The following MYO1B variants were observed in gnomAD, a reference collection of about 807,000 sequenced individuals.
The protein encoded by MYO1B is myosin IB, also known as unconventional myosin-Ib.
MYO1B carries 72 observed loss-of-function variants against 159.7 expected under a neutral mutation model. The ratio of observed to expected loss-of-function variants is 0.45; its 90% CI spans 0.37 to 0.55. The LOEUF is 0.55. MYO1B is among the 20% of genes least tolerant of loss of function. MYO1B has a pLI of 0.00. For missense variants in MYO1B, 1,062 were observed against 1,364.8 expected (o/e 0.78, Z 3.50); for synonymous variants, 468 against 473.8 (o/e 0.99, Z 0.16).
At position 191,336,858 on chromosome 2, in the gene MYO1B, C is replaced by T. The variant is rs1290609441; in HGVS notation, c.347-4603C>T. Among the ~76,000 whole-genome samples, 4 of 152,076 alleles carry T rather than the reference C, an allele frequency of 2.6e-5. 1 individual carries two copies. Among genetic ancestry groups the T allele is most frequent in the Middle Eastern group, 3.2e-3 (1 of 314 alleles). ...TACAAAAGCTCAATTCCTAGAAAAA[C>T]TTTGGTGTCTTAACTAGAGAGATAG... On this transcript the variant is annotated intron_variant, in intron 4 of 30. Transcript: ENST00000392318.
At chr2:191,268,950 A>G (rs940640148) in intron 1 of MYO1B, among the ~76,000 whole-genome samples, 1 of 152,180 alleles carries the variant, frequency 6.6e-6, no homozygotes, top group African/African-American at 2.4e-5. Context: ...ACTAAGGAGA[A>G]AGGCTGTGGA....
At chr2:191,285,845 G>T (rs1688332298) in intron 2 of MYO1B, among the ~76,000 whole-genome samples, 1 of 152,096 alleles carries the variant, frequency 6.6e-6, no homozygotes, top group South Asian at 2.1e-4. Flanking sequence ...GAGCCGTCCT[G>T]GACCCATAGT....
chr2:191,272,398 A>G (rs926420643), intron 1 of MYO1B, among the ~76,000 whole-genome samples: 44 of 152,214 alleles, frequency 2.9e-4, no homozygotes, highest in African/African-American at 1.0e-3. Context: ...TGGCCTTGGT[A>G]CTTTGCAGAT....
At chr2:191,302,621 T>G (rs1385968160) in intron 3 of MYO1B, among the ~76,000 whole-genome samples, 1 of 152,222 alleles carries the variant, frequency 6.6e-6, no homozygotes, top group Non-Finnish European at 1.5e-5. Context: ...AAGAGTGTAT[T>G]GTGGTACCTG....
chr2:191,347,691 G>A (rs1454496247), intron 6 of MYO1B, among the ~76,000 whole-genome samples: 2 of 152,100 alleles, frequency 1.3e-5, no homozygotes, highest in Non-Finnish European at 2.9e-5. Context: ...ACCTGATTAT[G>A]GGCTAAATCA....
chr2:191,253,297 A>G (rs1044408636), intron 1 of MYO1B, among the ~76,000 whole-genome samples: 2 of 152,202 alleles, frequency 1.3e-5, no homozygotes, highest in African/African-American at 4.8e-5. Context: ...CATTTCGTAG[A>G]TAACACTGCT....
chr2:191,380,398 G>A (rs1694968477), intron 13 of MYO1B, among the ~76,000 whole-genome samples: 1 of 152,180 alleles, frequency 6.6e-6, no homozygotes, highest in African/African-American at 2.4e-5. Flanking sequence ...CATTAGACCA[G>A]GACTGGCCAC....
intron 3 of MYO1B, among the ~76,000 whole-genome samples, chr2:191,323,655 A>C (rs915900012): frequency 3.9e-5 from 6 of 152,160 alleles, no homozygotes; most frequent in African/African-American, 1.4e-4. Context: ...ATTCTAAAGG[A>C]AGAAGAAACT....
At chr2:191,326,716 A>G (rs1171980155) in intron 3 of MYO1B, among the ~76,000 whole-genome samples, 1 of 151,372 alleles carries the variant, frequency 6.6e-6, no homozygotes, top group African/African-American at 2.4e-5. Flanking sequence ...TTGAGTTAAA[A>G]TGAACTCACA....
chr2:191,414,580 C>G lies in MYO1B; in HGVS notation c.3070C>G (p.Gln1024Glu), dbSNP rs994264029. The G allele has an allele frequency of 2.5e-6, 4 of 1,613,434 alleles. No homozygotes were observed. The highest frequency in any genetic ancestry group is 3.4e-6 in the Non-Finnish European group (4 of 1,179,788). Residue 1024 changes from glutamine to glutamate, a missense_variant, in exon 29 of 31, where the codon CAA becomes GAA. Gln to Glu is a conservative substitution (Grantham distance 29). Coordinates refer to ENST00000392318, the MANE Select transcript of MYO1B (RefSeq NM_001130158.3). ...NLLLADQKSG[Q>E]IKSEVPLVDV... is the part of the protein sequence containing the mutation. ...CCTTCTTGCTGACCAAAAGTCTGGA[C>G]AAATCAAGTCAGAGGTTCCATTGGT... is the stretch of plus-strand genomic sequence containing the variant.
chr2:191,341,268 G>A (rs967735131), intron 4 of MYO1B, among the ~76,000 whole-genome samples, 193 bp from the exon 5 acceptor site: 1 of 151,972 alleles, frequency 6.6e-6, no homozygotes, highest in Non-Finnish European at 1.5e-5. Flanking sequence ...TTTTTATTAT[G>A]TCTGAATTAA....
chr2:191,289,962 G>A lies in MYO1B; in HGVS notation c.136-6149G>A, dbSNP rs142328717. Reference sequence around the variant, plus strand: ...CATTTATCTGCCTTTGCGAAGGAATGTTACACATTATTGAGACTTACATAA... The same window carrying A: ...CATTTATCTGCCTTTGCGAAGGAATATTACACATTATTGAGACTTACATAA... On this transcript the variant is annotated intron_variant, in intron 2 of 30. Transcript: ENST00000392318. 4.2e-3 allele frequency among the ~76,000 whole-genome samples: 637 copies of A among 152,258 alleles called. 9 individuals are homozygous for A. Among genetic ancestry groups the A allele is most frequent in the African/African-American group, 0.014 (581 of 41,546 alleles).
At chr2:191,370,331 G>A in intron 13 of MYO1B, 39 bp downstream of exon 13, 1 of 1,397,420 alleles carries the variant, frequency 7.2e-7, no homozygotes, top group Non-Finnish European at 1.0e-6. Flanking sequence ...CTTTAGTAGA[G>A]TGGAATGGTT....
In MYO1B at chr2:191,381,536, TAAA is replaced by T; in HGVS notation, c.1261_1263del (p.Lys421del). On this transcript the variant is annotated inframe_deletion, in exon 14 of 31. Coordinates refer to ENST00000392318, the MANE Select transcript of MYO1B (RefSeq NM_001130158.3). ...AACAAATCTTCATTGAACTTACTCT[TAAA>T]GAAGAGCAGGAGGAGTATATACGGG... is the stretch of plus-strand genomic sequence containing the variant. 6.2e-7 allele frequency: 1 copy of T among 1,613,046 alleles called. No homozygotes were observed. The highest frequency in any genetic ancestry group is 8.5e-7 in the Non-Finnish European group (1 of 1,179,428).
intron 3 of MYO1B, among the ~76,000 whole-genome samples, chr2:191,313,967 G>C (rs1443842562): frequency 6.6e-6 from 1 of 152,192 alleles, no homozygotes; most frequent in Non-Finnish European, 1.5e-5. Context: ...AGAATGGAAT[G>C]GGATTTAGTT....
In MYO1B at chr2:191,289,091, C is replaced by T. The variant is rs568113179; in HGVS notation, c.136-7020C>T. ...TTTTCTGGTGAGAGCAAACATTTTCCCTATAACTAGAAGATCTTTTCCTTT... is the reference window on the plus strand; with the variant it reads ...TTTTCTGGTGAGAGCAAACATTTTCTCTATAACTAGAAGATCTTTTCCTTT... On this transcript the variant is annotated intron_variant, in intron 2 of 30. Coordinates refer to ENST00000392318, the MANE Select transcript of MYO1B (RefSeq NM_001130158.3). Among the ~76,000 whole-genome samples, 3 of 152,206 alleles carry T rather than the reference C, an allele frequency of 2.0e-5. No homozygotes were observed. In the South Asian group the frequency reaches 6.2e-4, roughly 32 times the overall value.
intron 3 of MYO1B, among the ~76,000 whole-genome samples, chr2:191,305,154 T>C (rs1171887649): frequency 6.6e-6 from 1 of 152,228 alleles, no homozygotes; most frequent in Non-Finnish European, 1.5e-5. Flanking sequence ...GGAAGCCTTG[T>C]CTAGGGAGGT....
At position 191,409,062 on chromosome 2, in the gene MYO1B, G is replaced by C. The variant is rs767294615; in HGVS notation, c.2650G>C (p.Glu884Gln). 2 of 1,609,376 alleles carry C rather than the reference G, an allele frequency of 1.2e-6. No homozygotes were observed. The highest frequency in any genetic ancestry group is 1.7e-6 in the Non-Finnish European group (2 of 1,178,814). The change falls in exon 26 of 31, where the codon GAA becomes CAA. Residue 884 changes from glutamate (E) to glutamine (Q), a missense_variant. Coordinates refer to ENST00000392318, the MANE Select transcript of MYO1B (RefSeq NM_001130158.3). ...AACACAGGTGCAAAAATACTTCTTG[G>C]AAATGAAAAATAAGATGCCTTCCTT... Reference protein sequence around the residue: ...LQRIVQKYFLEMKNKMPSLSP... With the variant: ...LQRIVQKYFLQMKNKMPSLSP...
In MYO1B at chr2:191,408,203, TTATATC is replaced by T; in HGVS notation, c.2631+16_2631+21del. The T allele has an allele frequency of 2.5e-6, 4 of 1,591,992 alleles. No homozygotes were observed. The highest frequency in any genetic ancestry group is 3.4e-6 in the Non-Finnish European group (4 of 1,160,322). On this transcript the variant is annotated intron_variant, in intron 25 of 30. Transcript: ENST00000392318. ...CTTCAGAGAATTGTAAGTTGACACT[TTATATC>T]TGTGGATAATCAGCATTGTGGAATT...
Sources: allele counts gnomAD v4.1 joint callset (sites outside exome capture counted in the v4.1 genomes callset), GRCh38; gene constraint gnomAD v4.1.1; transcripts MANE v1.5; gene names NCBI Gene and HGNC (gene_info 2026-07-23, HGNC 2026-07-21).